Variants in TANC2 observed in about 807,000 individuals in gnomAD.
TANC2 encodes protein TANC2.
Under a neutral mutation model 210.5 loss-of-function variants are expected in TANC2, and 26 were observed. That is an observed-to-expected ratio of 0.12 (90% confidence interval 0.09 to 0.17). The LOEUF is 0.17. Among genes scored for constraint, TANC2 ranks in the 10% least tolerant of loss-of-function variants. TANC2 has a pLI of 1.00. For missense variants in TANC2, 2,129 were observed against 2,608.9 expected (o/e 0.82, Z 4.01); for synonymous variants, 931 against 967.1 (o/e 0.96, Z 0.69).
chr17:63,211,960 G>A (rs548578955), intron 7 of TANC2, among the ~76,000 whole-genome samples: 10 of 152,020 alleles, frequency 6.6e-5, no homozygotes, highest in Non-Finnish European at 1.3e-4. Context: ...TACATGTGCC[G>A]TGTTGGTTTG....
chr17:63,032,577 AC>A (rs1400074081), intron 2 of TANC2, among the ~76,000 whole-genome samples: 6 of 152,228 alleles, frequency 3.9e-5, no homozygotes, highest in African/African-American at 1.4e-4. Context: ...AATCGACTGA[AC>A]TACATGATTG....
chr17:63,421,820 C>T lies in TANC2; in HGVS notation c.6090C>T (p.Asp2030=), dbSNP rs894682249. Residue 2030 remains aspartate (D), a synonymous_variant, in exon 28 of 28, where the codon GAC becomes GAT. Transcript: ENST00000689528. The surrounding 1 kb of genome is among the most constrained non-coding windows in gnomAD (Gnocchi z 6.9). Reference sequence around the variant, plus strand: ...TCAGCCAGGCCTCCTCCTATCCCGACGTGAAGGTAGCTCGGACTCTACCTG... The same window carrying T: ...TCAGCCAGGCCTCCTCCTATCCCGATGTGAAGGTAGCTCGGACTCTACCTG... 5.0e-6 allele frequency: 8 copies of T among 1,614,008 alleles called. No individual in the cohort carries two copies. The highest frequency in any genetic ancestry group is 5.1e-6 in the Non-Finnish European group (6 of 1,179,906).
At chr17:63,139,248 A>G (rs1219376130) in intron 4 of TANC2, among the ~76,000 whole-genome samples, 1 of 152,198 alleles carries the variant, frequency 6.6e-6, no homozygotes, top group African/African-American at 2.4e-5. Flanking sequence ...CTGAACACCA[A>G]CTTAAATGCA....
At position 63,075,615 on chromosome 17, in the gene TANC2, C is replaced by G. The variant is rs192516790; in HGVS notation, c.139+1601C>G. Among the ~76,000 whole-genome samples the G allele has an allele frequency of 9.7e-3, 1,479 of 152,174 alleles. 11 individuals are homozygous for G. The highest frequency in any genetic ancestry group is 0.014 in the Non-Finnish European group (937 of 68,000). On this transcript the variant is annotated intron_variant, in intron 3 of 27. Transcript: ENST00000689528. ...TGGCTTGATCTTGGCTCACTGCAAC[C>G]TCCGCCTCCCGGGTTCAAGCGATTC...
At chr17:63,009,810 A>G (rs898107203) in intron 2 of TANC2, among the ~76,000 whole-genome samples, 184 bp downstream of exon 2, 1 of 152,196 alleles carries the variant, frequency 6.6e-6, no homozygotes, top group Non-Finnish European at 1.5e-5. Context: ...TATCAGGAAT[A>G]GTCGAAAGAA....
chr17:63,055,984 AAAAAAAATATATATATATATATAT>A (rs1307450678), intron 2 of TANC2, among the ~76,000 whole-genome samples: 2,112 of 16,982 alleles, frequency 0.12, 39 homozygotes, highest in African/African-American at 0.15. Context: ...AAAAAAAAAA[AAAAAAAATATATATATATATATAT>A]ATATATATAT....
intron 8 of TANC2, among the ~76,000 whole-genome samples, chr17:63,252,176 A>T (rs979037168): frequency 5.3e-5 from 8 of 152,158 alleles, no homozygotes; most frequent in Non-Finnish European, 1.0e-4. Context: ...AATCTTTAAA[A>T]TATTAGATGA....
intron 8 of TANC2, among the ~76,000 whole-genome samples, chr17:63,261,378 G>A (rs532176889): frequency 3.9e-5 from 6 of 152,146 alleles, no homozygotes; most frequent in Non-Finnish European, 8.8e-5. Context: ...AAAGAGGCAA[G>A]AATTATTAAA....
At chr17:63,162,442 G>C (rs535856879) in intron 5 of TANC2, among the ~76,000 whole-genome samples, 1 of 152,234 alleles carries the variant, frequency 6.6e-6, no homozygotes, top group African/African-American at 2.4e-5. Flanking sequence ...GAGACTATGA[G>C]ACAAGCAAGG....
chr17:63,269,512 T>A (rs569533100), intron 9 of TANC2, among the ~76,000 whole-genome samples: 2 of 152,276 alleles, frequency 1.3e-5, no homozygotes, highest in African/African-American at 4.8e-5. Flanking sequence ...TGGCATCATC[T>A]TCCATCTTAT....
chr17:63,336,343 A>T (rs1052881380), intron 11 of TANC2, among the ~76,000 whole-genome samples: 1 of 152,238 alleles, frequency 6.6e-6, no homozygotes, highest in Admixed American at 6.5e-5. Flanking sequence ...CAGATATTCA[A>T]AGCTGCCTTC....
chr17:63,029,767 C>T (rs967237087), intron 2 of TANC2, among the ~76,000 whole-genome samples: 8 of 152,134 alleles, frequency 5.3e-5, no homozygotes, highest in Admixed American at 2.6e-4. Flanking sequence ...GATTTCTAAA[C>T]CAACAGCAAC....
chr17:63,082,609 C>T (rs1013690917), intron 3 of TANC2, among the ~76,000 whole-genome samples: 1 of 152,126 alleles, frequency 6.6e-6, no homozygotes, highest in Non-Finnish European at 1.5e-5. Context: ...ATTTTCTGAT[C>T]GTCCTATGAA....
chr17:63,238,019 A>G (rs992699270), exon 8 of TANC2: 4 of 1,560,924 alleles, frequency 2.6e-6, no homozygotes, highest in Admixed American at 1.9e-5. Flanking sequence ...AAACAGTGTT[A>G]TCTCAATCAG....
At chr17:63,150,097 C>T (rs1218100248) in intron 4 of TANC2, 2 of 152,090 alleles carry the variant, frequency 1.3e-5, no homozygotes, top group East Asian at 3.9e-4. Flanking sequence ...TTGTATATTA[C>T]TTTTTACAGG....
intron 12 of TANC2, among the ~76,000 whole-genome samples, chr17:63,348,465 C>T (rs1216771956): frequency 2.0e-5 from 3 of 152,168 alleles, no homozygotes; most frequent in East Asian, 3.8e-4. Flanking sequence ...AGAGCAGTGG[C>T]TCCTAAGCAC....
intron 15 of TANC2, among the ~76,000 whole-genome samples, chr17:63,385,046 C>T (rs1465663392): frequency 6.6e-6 from 1 of 152,102 alleles, no homozygotes; most frequent in Admixed American, 6.5e-5. Flanking sequence ...TGTGTTCCCT[C>T]CTAAATAAAA....
chr17:63,132,252 T>C (rs1488733674), intron 4 of TANC2, among the ~76,000 whole-genome samples: 1 of 152,130 alleles, frequency 6.6e-6, no homozygotes, highest in Admixed American at 6.5e-5. Context: ...TTTTTTTTTT[T>C]CGAATCTTAA....
chr17:63,406,406 C>G, intron 21 of TANC2, 129 bp downstream of exon 21: 1 of 1,263,612 alleles, frequency 7.9e-7, no homozygotes, highest in Non-Finnish European at 1.1e-6. Flanking sequence ...AAATGAAAGG[C>G]TATCTCCTCC....
Sources: gnomAD v4.1 joint callset for allele counts (sites outside exome capture counted in the v4.1 genomes callset) on GRCh38, gnomAD v4.1.1 for gene constraint, Gnocchi (gnomAD v3.1) non-coding constraint, MANE v1.5 for transcripts, NCBI Gene and HGNC (gene_info 2026-07-23, HGNC 2026-07-21) for gene names.